The following ACSM1 variants were observed in gnomAD, a reference collection of about 807,000 sequenced individuals.
The protein encoded by ACSM1 is acyl-CoA synthetase medium chain family member 1, also known as acyl-coenzyme A synthetase ACSM1, mitochondrial.
Under a neutral mutation model 75.8 loss-of-function variants are expected in ACSM1, and 79 were observed. That is an observed-to-expected ratio of 1.04 (90% CI 0.87 to 1.26). The LOEUF is 1.26. Ranked by LOEUF, ACSM1 falls within the 50% of genes most tolerant of loss-of-function variation. The pLI, the probability that ACSM1 is intolerant of heterozygous loss-of-function variation, is 0.00. For missense variants in ACSM1, 676 were observed against 720.1 expected, an observed-to-expected ratio of 0.94 and a Z score of 0.70; for synonymous variants, 279 against 265.8, an observed-to-expected ratio of 1.05 and a Z score of -0.48.
chr16:20,635,430 C>T (rs1232867966), intron 10 of ACSM1, among the ~76,000 whole-genome samples: 3 of 152,068 alleles, frequency 2.0e-5, no homozygotes, highest in African/African-American at 4.8e-5. Context: ...ATCCCCATTT[C>T]AGCTCAATCA....
At chr16:20,661,582 G>C (rs2019301956) in intron 7 of ACSM1, among the ~76,000 whole-genome samples, 3 of 152,050 alleles carry the variant, frequency 2.0e-5, no homozygotes, top group African/African-American at 7.2e-5. Context: ...TGTTTAAAAA[G>C]GAATCAACCC....
chr16:20,634,400 C>A (rs895106343), intron 10 of ACSM1, among the ~76,000 whole-genome samples: 2 of 152,098 alleles, frequency 1.3e-5, no homozygotes, highest in African/African-American at 4.8e-5. Flanking sequence ...CAACAGTGGT[C>A]ATAGAAGCAA....
intron 4 of ACSM1, among the ~76,000 whole-genome samples, chr16:20,672,471 A>AAAAAAAAAAAAAAAATATATAT (rs1555473775): frequency 1.2e-4 from 8 of 64,562 alleles, no homozygotes; most frequent in Non-Finnish European, 1.8e-4. Flanking sequence ...AAAAAAAAAA[A>AAAAAAAAAAAAAAAATATATAT]ATATATATAT....
chr16:20,640,609 C>T (rs1286084376), intron 7 of ACSM1, 25 bp from the exon 8 acceptor site: 2 of 1,613,856 alleles, frequency 1.2e-6, no homozygotes, highest in Admixed American at 1.7e-5. Context: ...AGGTGCCAGG[C>T]ATTGGTGAGC....
At chr16:20,671,510 T>C (rs1754796589) in intron 5 of ACSM1, 21 bp downstream of exon 5, 2 of 1,592,322 alleles carry the variant, frequency 1.3e-6, no homozygotes, top group African/African-American at 1.3e-5. Context: ...CCAGCCTCTA[T>C]GTCGGTGCCC....
chr16:20,637,545 T>C (rs2017799139), intron 8 of ACSM1, 94 bp from the exon 9 acceptor site: 2 of 1,106,704 alleles, frequency 1.8e-6, no homozygotes, highest in Non-Finnish European at 2.8e-6. Context: ...TGCTCAGAGA[T>C]GTAGTATTCC....
chr16:20,678,793 G>A (rs1348613977), intron 4 of ACSM1, among the ~76,000 whole-genome samples: 2 of 152,194 alleles, frequency 1.3e-5, no homozygotes, highest in African/African-American at 2.4e-5. Flanking sequence ...AACAACTGCT[G>A]AAGAAATTGT....
At chr16:20,629,755 AG>A (rs1334652558) in intron 10 of ACSM1, among the ~76,000 whole-genome samples, 3 of 152,162 alleles carry the variant, frequency 2.0e-5, no homozygotes, top group Admixed American at 6.5e-5. Context: ...GCATTTTTGG[AG>A]GCTGAGGCGG....
chr16:20,650,613 T>G (rs926372073), intron 7 of ACSM1, among the ~76,000 whole-genome samples: 1 of 150,624 alleles, frequency 6.6e-6, no homozygotes, highest in Non-Finnish European at 1.5e-5. Context: ...ACAAGCAGCA[T>G]GCACTGATCC....
intron 6 of ACSM1, among the ~76,000 whole-genome samples, chr16:20,665,638 A>T (rs974443479): frequency 5.9e-5 from 9 of 152,168 alleles, no homozygotes; most frequent in African/African-American, 2.2e-4. Flanking sequence ...CATTCTATGA[A>T]GCCAGAATGC....
chr16:20,636,513 C>T (rs917732401), intron 10 of ACSM1, among the ~76,000 whole-genome samples: 2 of 152,188 alleles, frequency 1.3e-5, no homozygotes, highest in Non-Finnish European at 2.9e-5. Flanking sequence ...AAACCCAAGT[C>T]TGATGGTTCT....
rs1458159184 is a variant in ACSM1, at chr16:20,627,218, C to T, written c.1398G>A (p.Gly466=). 7 of 1,574,504 alleles carry T rather than the reference C, an allele frequency of 4.4e-6. No individual in the cohort carries two copies. The African/African-American group carries it at 8.3e-5, about 19-fold the overall frequency. The change falls in exon 11 of 14, where the codon GGG becomes GGA. Residue 466 remains glycine, a synonymous_variant. Coordinates refer to ENST00000520010, the MANE Select transcript of ACSM1 (RefSeq NM_001318890.3). ...AGGCATTAATGATGTCATCACTCCT[C>T]CCCAGGAAACAAATGTAGCCCTCTT... The part of the protein sequence containing the change: ...MDEEGYICFL[G]RSDDIINASG...
At chr16:20,678,175 A>G (rs1339387825) in intron 4 of ACSM1, among the ~76,000 whole-genome samples, 1 of 152,180 alleles carries the variant, frequency 6.6e-6, no homozygotes, top group South Asian at 2.1e-4. Flanking sequence ...TTGCCCAGAA[A>G]AATATCAACT....
chr16:20,627,877 T>TAC (rs2017070175), intron 10 of ACSM1, among the ~76,000 whole-genome samples: 1,535 of 9,170 alleles, frequency 0.17, 119 homozygotes, highest in African/African-American at 0.2. Context: ...TACATATATA[T>TAC]ATATATATAT....
chr16:20,672,482 A>G (rs927633130), intron 4 of ACSM1, among the ~76,000 whole-genome samples: 1 of 123,992 alleles, frequency 8.1e-6, no homozygotes, highest in Non-Finnish European at 1.6e-5. Context: ...ATATATATAT[A>G]TATATATATA....
chr16:20,642,531 T>C (rs2018123169), intron 7 of ACSM1, among the ~76,000 whole-genome samples: 1 of 152,214 alleles, frequency 6.6e-6, no homozygotes, highest in Non-Finnish European at 1.5e-5. Context: ...CAATTTCCCA[T>C]AACTATAATC....
chr16:20,685,846 A>C (rs1388297100), intron 2 of ACSM1, among the ~76,000 whole-genome samples: 2 of 102,688 alleles, frequency 1.9e-5, no homozygotes, highest in Non-Finnish European at 4.2e-5. Context: ...CAAAAAAAAA[A>C]CAAAAAACTT....
intron 6 of ACSM1, among the ~76,000 whole-genome samples, chr16:20,663,055 C>T (rs1329001331): frequency 1.3e-5 from 2 of 152,062 alleles, no homozygotes; most frequent in East Asian, 1.9e-4. Context: ...AGGGCCTAAA[C>T]CCCCTTGTGG....
In ACSM1 at chr16:20,671,616, T is replaced by C. The variant is rs757634837; in HGVS notation, c.667A>G (p.Ile223Val). 1.3e-5 allele frequency: 21 copies of C among 1,613,750 alleles called. No individual in the cohort carries two copies. Among genetic ancestry groups the C allele is most frequent in the Non-Finnish European group, 1.7e-5 (20 of 1,179,784 alleles). The change falls in exon 5 of 14, where the codon ATC becomes GTC. Residue 223 changes from isoleucine (I) to valine (V), a missense_variant. Transcript: ENST00000520010. ...CCTGTGGTCCCACTGGTGAAGAAGA[T>C]GACCATTGGGTCCAAGGTCTTTGAC... ...VKSKTLDPMV[I>V]FFTSGTTGFP...
Sources: allele counts gnomAD v4.1 joint callset (sites outside exome capture counted in the v4.1 genomes callset), GRCh38; gene constraint gnomAD v4.1.1; transcripts MANE v1.5; gene names NCBI Gene and HGNC (gene_info 2026-07-23, HGNC 2026-07-21).